The following ACACB variants were observed in gnomAD, a reference collection of about 807,000 sequenced individuals.
ACACB encodes acetyl-CoA carboxylase 2.
In ACACB, 209 loss-of-function variants were observed where a neutral mutation model predicts 278.8. The observed-to-expected ratio is 0.75, with a 90% CI of 0.67 to 0.84. ACACB has a LOEUF of 0.84. Ranked by LOEUF, ACACB falls within the 40% of genes least tolerant of loss-of-function variation. ACACB has a pLI of 0.00. For missense variants in ACACB, 2,850 were observed against 3,269.0 expected (o/e 0.87, Z 3.13); for synonymous variants, 1,174 against 1,285.6 (o/e 0.91, Z 1.86).
At chr12:109,141,971 G>C (rs79933274) in intron 2 of ACACB, among the ~76,000 whole-genome samples, 1 of 152,162 alleles carries the variant, frequency 6.6e-6, no homozygotes, top group South Asian at 2.1e-4. Context: ...AATGTAGGCA[G>C]GCATGGTGGC....
intron 43 of ACACB, 100 bp from the exon 44 acceptor site, chr12:109,254,114 C>T (rs2047164286): frequency 2.8e-6 from 4 of 1,436,076 alleles, no homozygotes; most frequent in Non-Finnish European, 3.9e-6. Flanking sequence ...GATATTGCTG[C>T]ATAACCAGGC....
At chr12:109,203,598 C>T (rs993596586) in intron 19 of ACACB, among the ~76,000 whole-genome samples, 3 of 152,228 alleles carry the variant, frequency 2.0e-5, no homozygotes, top group African/African-American at 7.2e-5. Flanking sequence ...GGGCCTAGTA[C>T]ATCAGAGGTG....
At chr12:109,199,344 G>A in intron 17 of ACACB, 58 bp from the exon 18 acceptor site, 1 of 1,332,298 alleles carries the variant, frequency 7.5e-7, no homozygotes, top group Non-Finnish European at 9.8e-7. Context: ...GCCGGACTAG[G>A]GCTTGCTGAG....
intron 31 of ACACB, 80 bp downstream of exon 31, chr12:109,234,125 G>C (rs1472642787): frequency 1.7e-6 from 2 of 1,198,008 alleles, no homozygotes; most frequent in African/African-American, 3.0e-5. Flanking sequence ...CGGCCCTTGG[G>C]GAGGCAGGCG....
intron 1 of ACACB, among the ~76,000 whole-genome samples, chr12:109,137,138 C>G (rs1381659841): frequency 6.6e-6 from 1 of 151,916 alleles, no homozygotes; most frequent in Non-Finnish European, 1.5e-5. Flanking sequence ...TGGCATGTTA[C>G]ATTGACATTG....
chr12:109,119,905 A>G (rs1190110838), intron 1 of ACACB, among the ~76,000 whole-genome samples: 3 of 152,186 alleles, frequency 2.0e-5, no homozygotes, highest in Non-Finnish European at 4.4e-5. Context: ...AGAAGAAAAA[A>G]AAAAAGGATT....
rs1193892503 is a variant in ACACB, at chr12:109,166,930, C to A, written c.723C>A (p.Asp241Glu). 2 of 1,613,976 alleles carry A rather than the reference C, an allele frequency of 1.2e-6. No individual in the cohort carries two copies. The highest frequency in any genetic ancestry group is 1.7e-6 in the Non-Finnish European group (2 of 1,180,034). ...ACAAGAAGCTGGACCTGCACAGAGA[C>A]TTTACCGTGGCTTCTCCCGCTGAGT... is the stretch of plus-strand genomic sequence containing the variant. ...REHKKLDLHRDFTVASPAEFV... is the reference protein window; with the variant it reads ...REHKKLDLHREFTVASPAEFV... Residue 241 changes from aspartate (D) to glutamate (E), a missense_variant, in exon 3 of 53, where the codon GAC becomes GAA. Physicochemically the swap from Asp to Glu is conservative, Grantham distance 45. Coordinates refer to ENST00000338432, the MANE Select transcript of ACACB (RefSeq NM_001093.4).
At chr12:109,227,284 G>T (rs1171224243) in intron 27 of ACACB, 87 bp from the exon 28 acceptor site, 2 of 1,164,156 alleles carry the variant, frequency 1.7e-6, no homozygotes. Flanking sequence ...GTCATTTCTG[G>T]TACCTGTTCC....
intron 16 of ACACB, among the ~76,000 whole-genome samples, chr12:109,195,936 C>G (rs781317013): frequency 3.9e-5 from 6 of 152,102 alleles, no homozygotes; most frequent in Non-Finnish European, 7.4e-5. Context: ...GGTTAGGGGT[C>G]ACCGTATCAG....
At chr12:109,191,439 C>T (rs1230090830) in intron 13 of ACACB, 174 bp from the exon 14 acceptor site, 1 of 655,554 alleles carries the variant, frequency 1.5e-6, no homozygotes, top group Non-Finnish European at 2.5e-6. Flanking sequence ...GTCTTGAACT[C>T]CTGACCTCAA....
At position 109,265,439 on chromosome 12, in the gene ACACB, C is replaced by T. The variant is rs968748636; in HGVS notation, c.7164C>T (p.His2388=). The T allele has an allele frequency of 1.9e-6, 3 of 1,613,542 alleles. No individual in the cohort carries two copies. Among genetic ancestry groups the T allele is most frequent in the Admixed American group, 1.7e-5 (1 of 59,990 alleles). Residue 2388 remains histidine, a synonymous_variant, in exon 52 of 53, where the codon CAC becomes CAT. Transcript: ENST00000338432. ...NQVVVQWLEQ[H]WQAGDGPRST... ...TGGTTGTGCAGTGGCTGGAACAGCA[C>T]TGGCAGGCAGGGGATGGCCCGCGCT... is the stretch of plus-strand genomic sequence containing the variant.
rs1236386107 is a variant in ACACB at position 109,199,528 on chromosome 12, T to A, written c.2754T>A (p.Ala918=). 2.0e-6 allele frequency: 3 copies of A among 1,504,700 alleles called. No homozygotes were observed. In the South Asian group the frequency reaches 4.0e-5, roughly 20 times the overall value. The allele number at this position is 1,504,700 out of a possible 1,614,324, so 93.2% of individuals were successfully genotyped here. The part of the protein sequence containing the change: ...YTVEDGGHVE[A]GSSYAEMEVM... Reference sequence around the variant, plus strand: ...TGGAGGATGGGGGCCACGTTGAGGCTGGGAGCAGCTACGCTGAGATGGAGG... The same window carrying A: ...TGGAGGATGGGGGCCACGTTGAGGCAGGGAGCAGCTACGCTGAGATGGAGG... Residue 918 remains alanine (A), a synonymous_variant, in exon 18 of 53, where the codon GCT becomes GCA. Transcript: ENST00000338432.
At position 109,176,184 on chromosome 12, in the gene ACACB, T is replaced by C. The variant is rs752688339; in HGVS notation, c.1358T>C (p.Ile453Thr). The C allele has an allele frequency of 6.6e-5, 107 of 1,614,080 alleles. No individual in the cohort carries two copies. The highest frequency in any genetic ancestry group is 9.1e-5 in the Non-Finnish European group (107 of 1,180,044). Reference sequence around the variant, plus strand: ...GAAAGAATTGGTTTTCCATTGATGATCAAAGCTTCTGAAGGTGGCGGAGGG... The same window carrying C: ...GAAAGAATTGGTTTTCCATTGATGACCAAAGCTTCTGAAGGTGGCGGAGGG... ...AAERIGFPLM[I>T]KASEGGGGKG... Residue 453 changes from isoleucine (I) to threonine (T), a missense_variant, in exon 9 of 53, where the codon ATC (isoleucine) becomes ACC (threonine). This residue lies in a region of ACACB where 2,265 missense variants were observed against 2,561.3 expected (regional missense o/e 0.88). Coordinates refer to ENST00000338432, the MANE Select transcript of ACACB (RefSeq NM_001093.4).
chr12:109,150,042 G>T (rs1593407388), intron 2 of ACACB, among the ~76,000 whole-genome samples: 2 of 152,318 alleles, frequency 1.3e-5, no homozygotes, highest in East Asian at 3.9e-4. Context: ...CCCTCACAGG[G>T]TTGGGATCAG....
intron 20 of ACACB, among the ~76,000 whole-genome samples, chr12:109,208,885 A>C (rs1372141540): frequency 6.6e-6 from 1 of 152,200 alleles, no homozygotes; most frequent in East Asian, 1.9e-4. Flanking sequence ...TATAAACATC[A>C]GCTCATCATG....
intron 1 of ACACB, among the ~76,000 whole-genome samples, chr12:109,127,581 A>G (rs2042711532): frequency 6.6e-6 from 1 of 151,706 alleles, no homozygotes; most frequent in South Asian, 2.1e-4. Context: ...CCTGGGTGAT[A>G]GATCCAGAAT....
intron 9 of ACACB, among the ~76,000 whole-genome samples, chr12:109,177,481 T>C (rs529664650): frequency 2.0e-4 from 31 of 152,370 alleles, no homozygotes; most frequent in African/African-American, 7.5e-4. Flanking sequence ...TTACTAATTA[T>C]ACCACTCTTG....
chr12:109,221,267 A>G (rs2046152295), intron 24 of ACACB, among the ~76,000 whole-genome samples: 1 of 152,220 alleles, frequency 6.6e-6, no homozygotes, highest in African/African-American at 2.4e-5. Flanking sequence ...CACATGTAGA[A>G]AAAAATGCCC....
intron 1 of ACACB, among the ~76,000 whole-genome samples, chr12:109,137,556 A>C: frequency 6.6e-6 from 1 of 151,812 alleles, no homozygotes; most frequent in East Asian, 1.9e-4. Context: ...GCTACTAGGG[A>C]GGCTGAGGCT....
Sources: allele counts gnomAD v4.1 joint callset (sites outside exome capture counted in the v4.1 genomes callset), GRCh38; gene constraint gnomAD v4.1.1; regional missense constraint gnomAD v4.1.1; transcripts MANE v1.5; gene names NCBI Gene and HGNC (gene_info 2026-07-23, HGNC 2026-07-21).